The following SUSD1 variants were observed in gnomAD, a reference collection of about 807,000 sequenced individuals.
SUSD1 encodes the protein sushi domain containing 1, also known as sushi domain-containing protein 1.
Under a neutral mutation model 86.9 loss-of-function variants are expected in SUSD1, and 65 were observed. That is an observed-to-expected ratio of 0.75 (90% CI 0.61 to 0.92). The LOEUF (loss-of-function observed/expected upper bound fraction) is 0.92. Ranked by LOEUF, SUSD1 falls within the 40% of genes least tolerant of loss-of-function variation. SUSD1 has a pLI of 0.00. For synonymous variants in SUSD1, 346 were observed against 350.0 expected (o/e 0.99, Z 0.13); for missense variants, 850 against 929.7 (o/e 0.91, Z 1.11).
At chr9:112,106,030 C>A (rs942791358) in intron 8 of SUSD1, among the ~76,000 whole-genome samples, 5 of 152,118 alleles carry the variant, frequency 3.3e-5, no homozygotes, top group Admixed American at 1.3e-4. Flanking sequence ...CGCTCTGTTG[C>A]GCAGGCTGGA....
chr9:112,112,657 GA>G (rs960423850), intron 7 of SUSD1, 113 bp downstream of exon 7: 27 of 670,768 alleles, frequency 4.0e-5, no homozygotes, highest in African/African-American at 1.9e-4. Context: ...AAGAAAAAAA[GA>G]AAAAAAAACA....
rs1831163635 is a variant in SUSD1, at chr9:112,112,876, A to G, written c.887-8T>C. ...TAATCTTTGTCAGAATTTCTAAAAG[A>G]GAAAAAGGCAGTCAACTCACAAAAT... On this transcript the variant is annotated splice_region_variant and splice_polypyrimidine_tract_variant and intron_variant, in intron 6 of 16. Coordinates refer to ENST00000374270, the MANE Select transcript of SUSD1 (RefSeq NM_022486.5). 1 of 1,586,236 alleles carries G rather than the reference A, an allele frequency of 6.3e-7. No homozygotes were observed. The highest frequency in any genetic ancestry group is 8.7e-7 in the Non-Finnish European group (1 of 1,155,052).
At chr9:112,083,764 T>C (rs1479674548) in intron 10 of SUSD1, among the ~76,000 whole-genome samples, 1 of 152,242 alleles carries the variant, frequency 6.6e-6, no homozygotes, top group Non-Finnish European at 1.5e-5. Flanking sequence ...CTATGTGCTA[T>C]CTATCCAGAG....
intron 10 of SUSD1, 74 bp from the exon 11 acceptor site, chr9:112,080,239 T>C (rs1409544833): frequency 7.3e-6 from 8 of 1,089,796 alleles, no homozygotes; most frequent in South Asian, 1.3e-5. Context: ...GAGCCATTTT[T>C]CCAAGGATAA....
chr9:112,135,950 G>C (rs1279211496), intron 5 of SUSD1, among the ~76,000 whole-genome samples: 4 of 152,218 alleles, frequency 2.6e-5, no homozygotes, highest in Non-Finnish European at 5.9e-5. Context: ...TAGTGGCTCA[G>C]ATAAAACTTA....
intron 13 of SUSD1, among the ~76,000 whole-genome samples, chr9:112,060,885 A>C (rs1424115400): frequency 1.3e-5 from 2 of 152,164 alleles, no homozygotes; most frequent in African/African-American, 4.8e-5. Flanking sequence ...GGTCAAGAGC[A>C]AGGTCGAGGC....
At chr9:112,090,957 T>C (rs531031704) in intron 10 of SUSD1, among the ~76,000 whole-genome samples, 3 of 152,182 alleles carry the variant, frequency 2.0e-5, no homozygotes, top group Non-Finnish European at 2.9e-5. Flanking sequence ...TTAGAACCCA[T>C]TTAGCTGAAG....
At chr9:112,149,142 T>C (rs978717220) in intron 3 of SUSD1, 102 bp downstream of exon 3, 13 of 1,477,390 alleles carry the variant, frequency 8.8e-6, no homozygotes, top group Non-Finnish European at 1.2e-5. Flanking sequence ...CATTATGCCA[T>C]CTAACAAAAC....
At chr9:112,076,759 T>C (rs1028443253) in intron 12 of SUSD1, among the ~76,000 whole-genome samples, 1 of 151,904 alleles carries the variant, frequency 6.6e-6, no homozygotes, top group Non-Finnish European at 1.5e-5. Flanking sequence ...GTCATAAAAG[T>C]AGATGGAGCT....
chr9:112,122,238 C>T (rs9409116), intron 6 of SUSD1, among the ~76,000 whole-genome samples: 64,784 of 151,918 alleles, frequency 0.43, 14,157 homozygotes, highest in East Asian at 0.65. Flanking sequence ...GTGATCTTGG[C>T]TTACGACTGT....
intron 5 of SUSD1, among the ~76,000 whole-genome samples, chr9:112,133,496 G>A (rs1832122314): frequency 6.6e-6 from 1 of 152,138 alleles, no homozygotes; most frequent in African/African-American, 2.4e-5. Flanking sequence ...AATGGTGCTG[G>A]GATAGCTGGC....
In SUSD1 at chr9:112,041,377, G is replaced by T; in HGVS notation, c.*115C>A. The T allele has an allele frequency of 1.3e-6, 1 of 763,774 alleles. No individual in the cohort carries two copies. 47.3% of individuals were successfully genotyped at this position (763,774 alleles called of 1,614,324 possible). ...CCAGCTGGGAATGGAGAAAGTTGCA[G>T]GCCCACATGCTCCCTGGACGGAAGT... is the stretch of plus-strand genomic sequence containing the variant. On this transcript the variant is annotated 3_prime_UTR_variant, in exon 17 of 17. Coordinates refer to ENST00000374270, the MANE Select transcript of SUSD1 (RefSeq NM_022486.5).
intron 8 of SUSD1, among the ~76,000 whole-genome samples, chr9:112,110,029 A>C (rs756692010): frequency 2.6e-5 from 4 of 152,152 alleles, no homozygotes; most frequent in Non-Finnish European, 5.9e-5. Context: ...CAGCTAATTA[A>C]GAACTTTCTC....
At chr9:112,072,805 A>G (rs568340086) in intron 12 of SUSD1, among the ~76,000 whole-genome samples, 4 of 152,368 alleles carry the variant, frequency 2.6e-5, no homozygotes, top group Non-Finnish European at 4.4e-5. Context: ...GGCTCCAGAT[A>G]TCAAAAGAGC....
intron 15 of SUSD1, among the ~76,000 whole-genome samples, chr9:112,043,786 G>A (rs1208252690): frequency 2.0e-5 from 3 of 151,968 alleles, no homozygotes; most frequent in Non-Finnish European, 4.4e-5. Flanking sequence ...TACTTATTTT[G>A]TTTTATTTTA....
Position 112,063,004 on chromosome 9 carries a change from T to TA in SUSD1, c.1782dup (p.Thr595TyrfsTer41), listed in dbSNP as rs1564257544. ...CGTGGTAGAGGTCCTCTGTGCACCG[T>TA]AAAAAATTCTACTTCCGGGAGGGGA... On this transcript the variant is annotated frameshift_variant, in exon 13 of 17. Coordinates refer to ENST00000374270, the MANE Select transcript of SUSD1 (RefSeq NM_022486.5). LOFTEE classifies it high-confidence loss of function. 2 of 1,613,366 alleles carry TA rather than the reference T, an allele frequency of 1.2e-6. No individual in the cohort carries two copies. Among genetic ancestry groups the TA allele is most frequent in the Middle Eastern group, 1.6e-4 (1 of 6,062 alleles).
At chr9:112,094,510 T>A (rs866280002) in intron 10 of SUSD1, among the ~76,000 whole-genome samples, 8 of 152,136 alleles carry the variant, frequency 5.3e-5, no homozygotes, top group Non-Finnish European at 1.2e-4. Context: ...TATTACAAAC[T>A]CAAATGCTAA....
At chr9:112,078,288 G>A (rs1829607769) in intron 12 of SUSD1, among the ~76,000 whole-genome samples, 1 of 152,186 alleles carries the variant, frequency 6.6e-6, no homozygotes, top group Non-Finnish European at 1.5e-5. Flanking sequence ...AGGCTGCAGT[G>A]AGCCATGATC....
intron 14 of SUSD1, among the ~76,000 whole-genome samples, chr9:112,054,768 C>T (rs971488620): frequency 1.3e-5 from 2 of 151,908 alleles, no homozygotes; most frequent in African/African-American, 2.4e-5. Flanking sequence ...TTCCTGAAAC[C>T]GGATTTCTCA....
Sources: allele counts gnomAD v4.1 joint callset (sites outside exome capture counted in the v4.1 genomes callset), GRCh38; gene constraint gnomAD v4.1.1; transcripts MANE v1.5; gene names NCBI Gene and HGNC (gene_info 2026-07-23, HGNC 2026-07-21).